BMPR2: variants seen among roughly 807,000 people sequenced by gnomAD.
BMPR2 encodes the protein bone morphogenetic protein receptor type 2, also known as bone morphogenetic protein receptor type-2.
BMPR2 carries 29 observed loss-of-function variants against 100.8 expected under a neutral mutation model. The ratio of observed to expected loss-of-function variants is 0.29; its 90% confidence interval spans 0.21 to 0.39. The LOEUF (loss-of-function observed/expected upper bound fraction) is 0.39. Among genes scored for constraint, BMPR2 ranks in the 10% least tolerant of loss-of-function variants. The pLI is 1.00. For synonymous variants in BMPR2, 382 were observed against 442.3 expected (o/e 0.86, Z 1.71); for missense variants, 1,011 against 1,274.5 (o/e 0.79, Z 3.15).
rs191155196 is a variant in BMPR2, at chr2:202,435,091, G to A, written c.77-29718G>A. Among the ~76,000 whole-genome samples, 315 of 145,910 alleles carry A rather than the reference G, an allele frequency of 2.2e-3. 12 individuals carry two copies. Among genetic ancestry groups the A allele is most frequent in the African/African-American group, 7.9e-3 (295 of 37,564 alleles). On this transcript the variant is annotated intron_variant, in intron 1 of 12. Coordinates refer to ENST00000374580, the MANE Select transcript of BMPR2 (RefSeq NM_001204.7). ...ATAAGCTGGATAGGCTGGGTGTGGT[G>A]GTTCCTGCCTGTAATCACAGCACTT...
chr2:202,523,573 G>A (rs1687855952), intron 7 of BMPR2, among the ~76,000 whole-genome samples: 1 of 152,172 alleles, frequency 6.6e-6, no homozygotes, highest in African/African-American at 2.4e-5. Context: ...GGAGGCTGAG[G>A]TGGGCGGATC....
intron 1 of BMPR2, among the ~76,000 whole-genome samples, chr2:202,433,055 C>A (rs908647917): frequency 1.3e-5 from 2 of 150,044 alleles, no homozygotes; most frequent in Non-Finnish European, 2.9e-5. Flanking sequence ...TCTAAATTAA[C>A]CTTTGAGGCT....
chr2:202,479,275 A>T (rs772622701), intron 3 of BMPR2, among the ~76,000 whole-genome samples: 83 of 152,286 alleles, frequency 5.5e-4, no homozygotes, highest in Non-Finnish European at 1.0e-3. Flanking sequence ...CCATAGTCCA[A>T]CAATTTGTGA....
intron 1 of BMPR2, among the ~76,000 whole-genome samples, chr2:202,451,810 C>T (rs1691992266): frequency 6.6e-6 from 1 of 152,018 alleles, no homozygotes; most frequent in Non-Finnish European, 1.5e-5. Flanking sequence ...AGTGCAATGG[C>T]ATGATCTCAG....
intron 1 of BMPR2, among the ~76,000 whole-genome samples, chr2:202,452,075 T>A (rs2105948477): frequency 6.6e-6 from 1 of 152,102 alleles, no homozygotes; most frequent in Admixed American, 6.6e-5. Flanking sequence ...TTTTTATAAT[T>A]GTATAATAGT....
rs139778881 is a variant in BMPR2 at position 202,401,789 on chromosome 2, ATAAT to A, written c.76+24243_76+24246del. Reference sequence around the variant, plus strand: ...GCATCAACCAAGGAGCCTCAACATAATAATTAACCCAGCTTCTTAACAAAGATAT... The same window carrying A: ...GCATCAACCAAGGAGCCTCAACATAATAACCCAGCTTCTTAACAAAGATAT... On this transcript the variant is annotated intron_variant, in intron 1 of 12. Coordinates refer to ENST00000374580, the MANE Select transcript of BMPR2 (RefSeq NM_001204.7). Among the ~76,000 whole-genome samples the A allele has an allele frequency of 6.5e-3, 993 of 152,352 alleles. 14 individuals carry two copies. The highest frequency in any genetic ancestry group is 0.022 in the African/African-American group (927 of 41,572).
chr2:202,387,893 AAC>A (rs1469214133), intron 1 of BMPR2, among the ~76,000 whole-genome samples: 3 of 152,238 alleles, frequency 2.0e-5, no homozygotes, highest in South Asian at 2.1e-4. Flanking sequence ...CAAGATTAAA[AAC>A]AGTCAAATGA....
intron 3 of BMPR2, among the ~76,000 whole-genome samples, chr2:202,476,080 TAAAA>T (rs56243938): frequency 3.6e-4 from 34 of 95,400 alleles, no homozygotes; most frequent in African/African-American, 7.1e-4. Flanking sequence ...GTCTCAAGGT[TAAAA>T]AAAAAAAAAA....
At chr2:202,412,937 C>T (rs1031521819) in intron 1 of BMPR2, among the ~76,000 whole-genome samples, 1 of 152,092 alleles carries the variant, frequency 6.6e-6, no homozygotes. Flanking sequence ...TGTGTACACA[C>T]TTACATGCTG....
At chr2:202,480,966 A>T (rs1478011526) in intron 3 of BMPR2, among the ~76,000 whole-genome samples, 1 of 151,502 alleles carries the variant, frequency 6.6e-6, no homozygotes, top group East Asian at 1.9e-4. Flanking sequence ...AAAAAAAAAA[A>T]AAAAAAAAAA....
chr2:202,513,741 A>G lies in BMPR2; in HGVS notation c.441A>G (p.Arg147=), dbSNP rs1224201165. The change falls in exon 4 of 13, where the codon CGA becomes CGG. Residue 147 remains arginine (R), a synonymous_variant. Transcript: ENST00000374580. ...TAGGTCCACCTCATTCATTTAACCGAGATGAGACAATAATCATTGCTTTGG... is the reference window on the plus strand; with the variant it reads ...TAGGTCCACCTCATTCATTTAACCGGGATGAGACAATAATCATTGCTTTGG... ...TPLSPPHSFN[R]DETIIIALAS... The G allele has an allele frequency of 6.2e-7, 1 of 1,613,206 alleles. No homozygotes were observed. Among genetic ancestry groups the G allele is most frequent in the East Asian group, 2.2e-5 (1 of 44,744 alleles).
At chr2:202,454,313 C>T (rs531110259) in intron 1 of BMPR2, among the ~76,000 whole-genome samples, 2 of 152,260 alleles carry the variant, frequency 1.3e-5, no homozygotes, top group East Asian at 1.9e-4. Flanking sequence ...TCAAGCGATC[C>T]GCCCACCTTG....
chr2:202,541,728 A>G (rs1301819235), intron 9 of BMPR2, among the ~76,000 whole-genome samples: 1 of 152,338 alleles, frequency 6.6e-6, no homozygotes, highest in Middle Eastern at 3.4e-3. Flanking sequence ...TAGTAATACC[A>G]GAAACCATTT....
chr2:202,404,994 T>A (rs1690858242), intron 1 of BMPR2, among the ~76,000 whole-genome samples: 1 of 152,038 alleles, frequency 6.6e-6, no homozygotes, highest in Admixed American at 6.6e-5. Context: ...AGGTACTTTT[T>A]AAATTTTTTG....
intron 5 of BMPR2, among the ~76,000 whole-genome samples, chr2:202,515,902 A>T (rs1460115985): frequency 6.6e-6 from 1 of 152,154 alleles, no homozygotes; most frequent in Non-Finnish European, 1.5e-5. Context: ...AAAAAGAAAA[A>T]GAAAATATAT....
chr2:202,537,685 T>G (rs768908714), intron 9 of BMPR2, among the ~76,000 whole-genome samples: 1 of 152,028 alleles, frequency 6.6e-6, no homozygotes, highest in Non-Finnish European at 1.5e-5. Context: ...GTTATGTATA[T>G]TCTACCACGA....
chr2:202,501,540 TCCC>T (rs1192146907), intron 3 of BMPR2, among the ~76,000 whole-genome samples: 6 of 152,140 alleles, frequency 3.9e-5, no homozygotes. Flanking sequence ...CGTGGGACAA[TCCC>T]ACAACCAGTG....
chr2:202,505,706 GAAGT>G (rs1687508054), intron 3 of BMPR2, among the ~76,000 whole-genome samples: 1 of 152,114 alleles, frequency 6.6e-6, no homozygotes. Context: ...TATGGATAAA[GAAGT>G]AAGAGCCTAG....
chr2:202,490,620 A>G (rs767311458), intron 3 of BMPR2, among the ~76,000 whole-genome samples: 2 of 152,250 alleles, frequency 1.3e-5, no homozygotes, highest in African/African-American at 2.4e-5. Flanking sequence ...TTGGATTAAA[A>G]ATAGAACTTC....
Sources: allele counts gnomAD v4.1 joint callset (sites outside exome capture counted in the v4.1 genomes callset), GRCh38; gene constraint gnomAD v4.1.1; transcripts MANE v1.5; gene names NCBI Gene and HGNC (gene_info 2026-07-23, HGNC 2026-07-21).